PLA2G10: variants seen among roughly 807,000 people sequenced by gnomAD.
The protein encoded by PLA2G10 is group 10 secretory phospholipase A2.
PLA2G10 carries 9 observed loss-of-function variants against 7.9 expected under a neutral mutation model. The observed-to-expected ratio is 1.14, with a 90% CI of 0.68 to 1.98. The LOEUF is 1.98. Ranked by LOEUF, PLA2G10 falls within the 30% of genes most tolerant of loss-of-function variation. The pLI is 0.00. For synonymous variants in PLA2G10, 19 were observed against 27.5 expected (o/e 0.69, Z 0.97); for missense variants, 53 against 65.4 (o/e 0.81, Z 0.66).
intron 3 of PLA2G10, among the ~76,000 whole-genome samples, chr16:14,686,358 T>C (rs1039454355): frequency 6.6e-5 from 10 of 152,164 alleles, no homozygotes; most frequent in African/African-American, 2.4e-4. Flanking sequence ...GCTCTTCAGA[T>C]AACTTTGAGT....
intron 3 of PLA2G10, among the ~76,000 whole-genome samples, chr16:14,679,435 G>A (rs1183591398): frequency 6.6e-6 from 1 of 152,020 alleles, no homozygotes; most frequent in Non-Finnish European, 1.5e-5. Context: ...GCCGAGGCGG[G>A]CAGTTCACAA....
intron 3 of PLA2G10, among the ~76,000 whole-genome samples, chr16:14,677,696 C>T (rs550536189): frequency 1.5e-4 from 23 of 152,166 alleles, no homozygotes; most frequent in African/African-American, 5.3e-4. Flanking sequence ...ACCCCATTCC[C>T]CTCAAGCAGG....
At chr16:14,679,665 A>G (rs994113374) in intron 3 of PLA2G10, among the ~76,000 whole-genome samples, 50 of 149,548 alleles carry the variant, frequency 3.3e-4, no homozygotes, top group African/African-American at 1.2e-3. Flanking sequence ...CACCTCAAAA[A>G]AAAAAAAAAA....
chr16:14,679,485 A>C (rs1451177786), intron 3 of PLA2G10, among the ~76,000 whole-genome samples: 4 of 151,788 alleles, frequency 2.6e-5, no homozygotes, highest in East Asian at 3.9e-4. Context: ...CATAGAGAAA[A>C]CCCATCTCTA....
intron 3 of PLA2G10, among the ~76,000 whole-genome samples, chr16:14,679,810 C>T (rs1226567396): frequency 6.6e-6 from 1 of 152,008 alleles, no homozygotes; most frequent in Non-Finnish European, 1.5e-5. Context: ...GTGATCATGC[C>T]ACTGCACCCA....
intron 3 of PLA2G10, among the ~76,000 whole-genome samples, chr16:14,680,973 C>G (rs894271765): frequency 7.9e-5 from 12 of 151,796 alleles, no homozygotes; most frequent in African/African-American, 2.7e-4. Context: ...ACCAGCCTGG[C>G]CAACATGATG....
intron 3 of PLA2G10, among the ~76,000 whole-genome samples, chr16:14,686,876 C>A (rs779183702): frequency 6.6e-6 from 1 of 151,892 alleles, no homozygotes; most frequent in Admixed American, 6.6e-5. Context: ...GAGGCTGAGG[C>A]GGGTGGATCA....
chr16:14,679,782 T>C (rs1384226292), intron 3 of PLA2G10, among the ~76,000 whole-genome samples: 3 of 151,984 alleles, frequency 2.0e-5, no homozygotes, highest in African/African-American at 4.8e-5. Context: ...TCTCAGGATT[T>C]TGAGGCTGCA....
At chr16:14,678,284 C>A (rs781173217) in intron 3 of PLA2G10, among the ~76,000 whole-genome samples, 16 of 152,154 alleles carry the variant, frequency 1.1e-4, no homozygotes, top group Non-Finnish European at 2.1e-4. Context: ...CTCACCCATC[C>A]ACTGGCAACT....
chr16:14,676,995 G>T (rs1449839507), intron 3 of PLA2G10, among the ~76,000 whole-genome samples: 1 of 152,124 alleles, frequency 6.6e-6, no homozygotes, highest in African/African-American at 2.4e-5. Context: ...AAAAAGCTAT[G>T]TATTGGGTAC....
chr16:14,678,620 A>C (rs1187859502), intron 3 of PLA2G10: 1 of 296,772 alleles, frequency 3.4e-6, no homozygotes, highest in Non-Finnish European at 6.8e-6. Context: ...AAGTACATAA[A>C]TTAGCAGGGC....
intron 3 of PLA2G10, among the ~76,000 whole-genome samples, chr16:14,674,774 A>G (rs1232857440): frequency 1.3e-5 from 2 of 152,160 alleles, no homozygotes; most frequent in Non-Finnish European, 2.9e-5. Context: ...GGCTATAGTA[A>G]CCAAAACAGC....
At chr16:14,678,700 G>T in intron 3 of PLA2G10, 1 of 393,618 alleles carries the variant, frequency 2.5e-6, no homozygotes, top group Non-Finnish European at 5.1e-6. Context: ...AGCCCAAAAG[G>T]CAGAGGTTGA....
At chr16:14,673,143 C>A (rs976514574) in intron 3 of PLA2G10, among the ~76,000 whole-genome samples, 1 of 150,730 alleles carries the variant, frequency 6.6e-6, no homozygotes, top group Non-Finnish European at 1.5e-5. Context: ...CCTCAGCATC[C>A]CAAGTAGCTG....
At chr16:14,682,400 C>A (rs961583154) in intron 3 of PLA2G10, among the ~76,000 whole-genome samples, 1 of 151,912 alleles carries the variant, frequency 6.6e-6, no homozygotes, top group African/African-American at 2.4e-5. Flanking sequence ...TGGTGAAACA[C>A]TGTCTCTACT....
chr16:14,687,421 T>A (rs1046049956), intron 3 of PLA2G10, among the ~76,000 whole-genome samples: 1 of 150,896 alleles, frequency 6.6e-6, no homozygotes, highest in Non-Finnish European at 1.5e-5. Flanking sequence ...CTCAACCTCC[T>A]GGGCTTCAAG....
chr16:14,679,438 G>A (rs1039027015), intron 3 of PLA2G10, among the ~76,000 whole-genome samples: 5 of 151,980 alleles, frequency 3.3e-5, no homozygotes, highest in African/African-American at 1.2e-4. Context: ...GAGGCGGGCA[G>A]TTCACAAGGT....
intron 3 of PLA2G10, among the ~76,000 whole-genome samples, chr16:14,685,142 C>T (rs1398680241): frequency 3.3e-5 from 5 of 152,042 alleles, no homozygotes; most frequent in Non-Finnish European, 5.9e-5. Flanking sequence ...GAGGCTGAGG[C>T]AGGCAGATCA....
At chr16:14,682,305 G>A (rs1365638793) in intron 3 of PLA2G10, among the ~76,000 whole-genome samples, 2 of 152,146 alleles carry the variant, frequency 1.3e-5, no homozygotes, top group African/African-American at 4.8e-5. Flanking sequence ...CAAGTAGGCC[G>A]GGCGCGGTGG....
Sources: allele counts gnomAD v4.1 joint callset (sites outside exome capture counted in the v4.1 genomes callset), GRCh38; gene constraint gnomAD v4.1.1; transcripts MANE v1.5; gene names NCBI Gene and HGNC (gene_info 2026-07-23, HGNC 2026-07-21).